The following SLC47A1 variants were observed in gnomAD, a reference collection of about 807,000 sequenced individuals.
SLC47A1 encodes the protein solute carrier family 47 member 1, also known as multidrug and toxin extrusion protein 1.
Under a neutral mutation model 65.8 loss-of-function variants are expected in SLC47A1, and 58 were observed. The observed-to-expected ratio is 0.88, with a 90% CI of 0.71 to 1.10. SLC47A1 has a LOEUF of 1.10. SLC47A1 is among the 50% of genes least tolerant of loss of function. The pLI, the probability that SLC47A1 is intolerant of heterozygous loss-of-function variation, is 0.00. For missense variants in SLC47A1, 706 were observed against 719.2 expected (o/e 0.98, Z 0.21); for synonymous variants, 285 against 295.0 (o/e 0.97, Z 0.35).
At chr17:19,545,882 A>C (rs867975546) in intron 2 of SLC47A1, among the ~76,000 whole-genome samples, 1 of 152,080 alleles carries the variant, frequency 6.6e-6, no homozygotes. Context: ...CTGGTGCCAC[A>C]TGACTTTCAG....
chr17:19,565,878 G>A (rs924705386), intron 12 of SLC47A1, among the ~76,000 whole-genome samples: 1 of 152,118 alleles, frequency 6.6e-6, no homozygotes, highest in African/African-American at 2.4e-5. Flanking sequence ...ACCGTGCCTG[G>A]TGGTCTGAAA....
chr17:19,558,454 T>G (rs993250484), intron 10 of SLC47A1, among the ~76,000 whole-genome samples: 5 of 150,636 alleles, frequency 3.3e-5, no homozygotes, highest in South Asian at 2.1e-4. Context: ...TGTTGGTGGT[T>G]GTTTTTATTT....
chr17:19,577,226 C>CT, intron 16 of SLC47A1, 101 bp from the exon 17 acceptor site: 1 of 1,473,458 alleles, frequency 6.8e-7, no homozygotes, highest in Non-Finnish European at 9.1e-7. Context: ...CCTGAATTAA[C>CT]TTTCTCTCCA....
chr17:19,534,208 G>C, intron 1 of SLC47A1, 134 bp downstream of exon 1: 1 of 1,204,928 alleles, frequency 8.3e-7, no homozygotes, highest in Non-Finnish European at 1.1e-6. Flanking sequence ...GGAGCATCGT[G>C]CCAGGAGCCG....
chr17:19,559,844 T>C (rs568896037), intron 10 of SLC47A1, among the ~76,000 whole-genome samples: 2 of 150,802 alleles, frequency 1.3e-5, no homozygotes, highest in African/African-American at 4.9e-5. Flanking sequence ...CTGTCCCTAT[T>C]TAAAAACAAA....
chr17:19,563,180 T>TG (rs2084327471), intron 12 of SLC47A1, among the ~76,000 whole-genome samples: 1 of 135,342 alleles, frequency 7.4e-6, no homozygotes, highest in East Asian at 2.5e-4. Context: ...TCGCCCAGGC[T>TG]GGAGTGCAGT....
At chr17:19,567,580 C>G (rs1174515326) in intron 14 of SLC47A1, 1 of 290,564 alleles carries the variant, frequency 3.4e-6, no homozygotes, top group East Asian at 8.0e-5. Flanking sequence ...GAAGCATCCC[C>G]TTAGTGTGTT....
At chr17:19,557,361 A>T (rs1916645055) in intron 10 of SLC47A1, 2 of 162,960 alleles carry the variant, frequency 1.2e-5, no homozygotes, top group African/African-American at 4.8e-5. Flanking sequence ...TATTTGAGTA[A>T]ATTCATTAAC....
chr17:19,566,159 C>T (rs2084356140), intron 12 of SLC47A1, among the ~76,000 whole-genome samples: 1 of 152,190 alleles, frequency 6.6e-6, no homozygotes, highest in African/African-American at 2.4e-5. Context: ...TCTTACTGTG[C>T]CCAAATTATG....
rs2152318497 is a variant in SLC47A1, at chr17:19,577,987, A to T, written c.*434A>T. 1.7e-6 allele frequency: 2 copies of T among 1,207,004 alleles called. No homozygotes were observed. The highest frequency in any genetic ancestry group is 2.2e-6 in the Non-Finnish European group (2 of 929,030). The allele number at this position is 1,207,004 out of a possible 1,614,324, so 74.8% of individuals were successfully genotyped here. A position where few individuals can be genotyped will look rare whatever the true frequency, so the allele number is the denominator to read the frequency against. On this transcript the variant is annotated 3_prime_UTR_variant, in exon 17 of 17. Transcript: ENST00000270570. ...GCAAATGGTATTTGTTTTTGTTTTA[A>T]TTTTTTTTTTAATAGACGGAAGTCT...
chr17:19,572,899 CTAGG>C (rs1353785207), intron 16 of SLC47A1, 38 bp downstream of exon 16: 9 of 1,574,754 alleles, frequency 5.7e-6, no homozygotes, highest in Non-Finnish European at 7.0e-6. Flanking sequence ...ACAGGCCTGT[CTAGG>C]TAGGACTGGA....
intron 4 of SLC47A1, among the ~76,000 whole-genome samples, chr17:19,548,385 G>A (rs1356515670): frequency 2.0e-5 from 3 of 152,110 alleles, no homozygotes; most frequent in Non-Finnish European, 2.9e-5. Context: ...ATGTGGGATG[G>A]TAGTTTGTGA....
chr17:19,540,726 C>T (rs1454257869), intron 1 of SLC47A1, among the ~76,000 whole-genome samples: 1 of 152,156 alleles, frequency 6.6e-6, no homozygotes, highest in Admixed American at 6.5e-5. Flanking sequence ...ATTGCAAAAG[C>T]GCTCCTCACG....
At chr17:19,555,344 G>C in intron 7 of SLC47A1, 35 bp downstream of exon 7, 5 of 1,607,578 alleles carry the variant, frequency 3.1e-6, no homozygotes, top group Non-Finnish European at 4.3e-6. Context: ...AGGGAGAAGG[G>C]ATGACTTGCA....
At chr17:19,569,067 A>G (rs532459374) in intron 14 of SLC47A1, among the ~76,000 whole-genome samples, 76 of 152,066 alleles carry the variant, frequency 5.0e-4, no homozygotes, top group African/African-American at 1.8e-3. Context: ...TGGCTCACCT[A>G]TTCATTTAAC....
chr17:19,553,545 CTTT>C (rs144325967), intron 6 of SLC47A1, among the ~76,000 whole-genome samples: 27,427 of 133,232 alleles, frequency 0.21, 2,448 homozygotes, highest in East Asian at 0.42. Context: ...TTCTTTCTTC[CTTT>C]TTTTTTTTTT....
At chr17:19,548,208 G>A in intron 4 of SLC47A1, 75 bp downstream of exon 4, 1 of 1,535,322 alleles carries the variant, frequency 6.5e-7, no homozygotes, top group South Asian at 1.2e-5. Flanking sequence ...TGCAGCCAGG[G>A]CCAGGGACAA....
At chr17:19,559,155 A>T (rs1035267179) in intron 10 of SLC47A1, among the ~76,000 whole-genome samples, 1 of 152,244 alleles carries the variant, frequency 6.6e-6, no homozygotes, top group East Asian at 1.9e-4. Context: ...CTATGATTCA[A>T]CTCCTTTTAC....
rs1916581701 is a variant in SLC47A1 at position 19,555,646 on chromosome 17, TTC to T, written c.699_700del (p.Tyr234HisfsTer44). On this transcript the variant is annotated frameshift_variant, in exon 8 of 17. Transcript: ENST00000270570. LOFTEE classifies it high-confidence loss of function. ...CAGTACACCCTGGCTCTACTCCTCT[TTC>T]TCTACATCCTCGGGAAAAAACTGCA... The T allele has an allele frequency of 5.0e-6, 8 of 1,614,080 alleles. No individual in the cohort carries two copies. The South Asian group carries it at 6.6e-5, about 13-fold the overall frequency.
Sources: gnomAD v4.1 joint callset for allele counts (sites outside exome capture counted in the v4.1 genomes callset) on GRCh38, gnomAD v4.1.1 for gene constraint, MANE v1.5 for transcripts, NCBI Gene and HGNC (gene_info 2026-07-23, HGNC 2026-07-21) for gene names.